The following GFOD1 variants were observed in gnomAD, a reference collection of about 807,000 sequenced individuals.
The protein encoded by GFOD1 is Gfo/Idh/MocA-like oxidoreductase domain containing 1.
GFOD1 carries 9 observed loss-of-function variants against 25.4 expected under a neutral mutation model. The observed-to-expected ratio is 0.35, with a 90% CI of 0.21 to 0.62. The LOEUF is 0.62. GFOD1 is among the 20% of genes least tolerant of loss of function. The pLI is 0.72. For synonymous variants in GFOD1, 253 were observed against 245.6 expected (o/e 1.03, Z -0.28); for missense variants, 403 against 556.9 (o/e 0.72, Z 2.78).
rs879779509 is a variant in GFOD1 at position 13,409,088 on chromosome 6, GGAAAGAAA to G, written c.254-43434_254-43427del. Among the ~76,000 whole-genome samples, 150 of 36,712 alleles carry G rather than the reference GGAAAGAAA, an allele frequency of 4.1e-3. 2 individuals are homozygous for G. Among genetic ancestry groups the G allele is most frequent in the African/African-American group, 0.014 (141 of 10,136 alleles). The allele number at this position is 36,712 out of a possible 152,430, so 24.1% of individuals were successfully genotyped here. ...TGACAGAGTGAGACTCCATCAGAAAGGAAAGAAAGAAAGAAAGAAAGAAAGAAAGAAAG... is the reference window on the plus strand; with the variant it reads ...TGACAGAGTGAGACTCCATCAGAAAGGAAAGAAAGAAAGAAAGAAAGAAAG... On this transcript the variant is annotated intron_variant, in intron 1 of 1. Transcript: ENST00000379287.
intron 1 of GFOD1, among the ~76,000 whole-genome samples, chr6:13,428,696 C>T (rs1195030338): frequency 6.6e-6 from 1 of 152,124 alleles, no homozygotes; most frequent in Non-Finnish European, 1.5e-5. Context: ...AGTCCAGGCC[C>T]CCTCCCAGGG....
intron 1 of GFOD1, among the ~76,000 whole-genome samples, chr6:13,456,585 G>A (rs1207973167): frequency 2.0e-5 from 3 of 152,046 alleles, no homozygotes; most frequent in Non-Finnish European, 2.9e-5. Context: ...TACTCATCAC[G>A]GTCACCTCTA....
Position 13,361,966 on chromosome 6 carries a change from T to C in GFOD1, c.*2777A>G, listed in dbSNP as rs1784953445. On this transcript the variant is annotated 3_prime_UTR_variant, in exon 2 of 2. Coordinates refer to ENST00000379287, the MANE Select transcript of GFOD1 (RefSeq NM_018988.4). ...TTGGGAAAAGATTTCGCGAGTATTATGGTTTAGTACAGAAACATACAATTG... is the reference window on the plus strand; with the variant it reads ...TTGGGAAAAGATTTCGCGAGTATTACGGTTTAGTACAGAAACATACAATTG... 6.6e-6 allele frequency: 1 copy of C among 152,214 alleles called. No individual in the cohort carries two copies. Among genetic ancestry groups the C allele is most frequent in the Non-Finnish European group, 1.5e-5 (1 of 68,046 alleles). The allele number at this position is 152,214 out of a possible 1,614,324, so 9.4% of individuals were successfully genotyped here.
At chr6:13,395,757 G>A (rs1459648733) in intron 1 of GFOD1, among the ~76,000 whole-genome samples, 1 of 152,208 alleles carries the variant, frequency 6.6e-6, no homozygotes, top group Non-Finnish European at 1.5e-5. Flanking sequence ...TCCCACTGAA[G>A]AAACTTCCTT....
At chr6:13,378,053 A>G (rs1785288500) in intron 1 of GFOD1, among the ~76,000 whole-genome samples, 1 of 152,208 alleles carries the variant, frequency 6.6e-6, no homozygotes, top group Non-Finnish European at 1.5e-5. Context: ...GGAAGAGAAG[A>G]GGAGCTAAAA....
Position 13,391,300 on chromosome 6 carries a change from C to T in GFOD1, c.254-25638G>A, listed in dbSNP as rs528132775. On this transcript the variant is annotated intron_variant, in intron 1 of 1. Transcript: ENST00000379287. Reference sequence around the variant, plus strand: ...TATTTAAGAAATTGGCCATTTGAAACCAGCCTGGCCAACATGGCAAAACCC... The same window carrying T: ...TATTTAAGAAATTGGCCATTTGAAATCAGCCTGGCCAACATGGCAAAACCC... 2.6e-5 allele frequency among the ~76,000 whole-genome samples: 4 copies of T among 152,084 alleles called. No homozygotes were observed. In the South Asian group the frequency reaches 8.3e-4, roughly 32 times the overall value.
intron 1 of GFOD1, among the ~76,000 whole-genome samples, chr6:13,478,143 G>GT (rs1268544819): frequency 6.6e-6 from 1 of 151,420 alleles, no homozygotes; most frequent in Non-Finnish European, 1.5e-5. Context: ...GTTGTTTGTT[G>GT]TTTTTGTTTT....
At chr6:13,440,034 C>T (rs888104009) in intron 1 of GFOD1, among the ~76,000 whole-genome samples, 3 of 152,140 alleles carry the variant, frequency 2.0e-5, no homozygotes, top group African/African-American at 7.2e-5. Context: ...ACTGCTTGCC[C>T]TATACTGCCC....
At chr6:13,390,826 A>AGGAAGGAAGGAAGGAT (rs1562202843) in intron 1 of GFOD1, among the ~76,000 whole-genome samples, 1 of 150,166 alleles carries the variant, frequency 6.7e-6, no homozygotes, top group East Asian at 2.0e-4. Context: ...GAAGGAAGGA[A>AGGAAGGAAGGAAGGAT]GGATAATAAC....
chr6:13,372,026 G>A (rs78481951), intron 1 of GFOD1, among the ~76,000 whole-genome samples: 1,850 of 152,316 alleles, frequency 0.012, 38 homozygotes, highest in African/African-American at 0.042. Context: ...TGAGAACAAA[G>A]AGCTAAAGCT....
chr6:13,389,588 G>C (rs1036420156), intron 1 of GFOD1, among the ~76,000 whole-genome samples: 1 of 151,050 alleles, frequency 6.6e-6, no homozygotes, highest in African/African-American at 2.4e-5. Context: ...ACAGAGCAGG[G>C]AACATCACAC....
At chr6:13,470,275 C>A in intron 1 of GFOD1, 1 of 1,590,588 alleles carries the variant, frequency 6.3e-7, no homozygotes, top group South Asian at 1.1e-5. Flanking sequence ...TCCTGGAATC[C>A]CCCATGCCAG....
At chr6:13,478,974 C>G (rs1338179356) in intron 1 of GFOD1, among the ~76,000 whole-genome samples, 4 of 151,842 alleles carry the variant, frequency 2.6e-5, no homozygotes, top group Non-Finnish European at 5.9e-5. Context: ...CCCATCAGTA[C>G]CTTTGAGTGA....
At chr6:13,421,326 A>C (rs962765760) in intron 1 of GFOD1, among the ~76,000 whole-genome samples, 1 of 152,024 alleles carries the variant, frequency 6.6e-6, no homozygotes, top group African/African-American at 2.4e-5. Context: ...CATCTCTATA[A>C]AAAGTTAAAA....
chr6:13,412,764 G>A (rs1786100717), intron 1 of GFOD1, among the ~76,000 whole-genome samples: 1 of 152,186 alleles, frequency 6.6e-6, no homozygotes, highest in Non-Finnish European at 1.5e-5. Flanking sequence ...AGCATGCCCT[G>A]TGCTCTGAGC....
intron 1 of GFOD1, among the ~76,000 whole-genome samples, chr6:13,396,402 C>T (rs1785732899): frequency 6.6e-6 from 1 of 152,238 alleles, no homozygotes; most frequent in African/African-American, 2.4e-5. Context: ...GTAAGCGCCA[C>T]ACTGAGTTAC....
chr6:13,469,676 T>C (rs764565828), intron 1 of GFOD1: 6 of 1,174,132 alleles, frequency 5.1e-6, no homozygotes, highest in Non-Finnish European at 6.4e-6. Flanking sequence ...TACAGTTATC[T>C]TACTACCAAG....
chr6:13,481,558 T>TACAC (rs55888360), intron 1 of GFOD1, among the ~76,000 whole-genome samples: 215 of 150,782 alleles, frequency 1.4e-3, no homozygotes, highest in African/African-American at 5.0e-3. Flanking sequence ...AGTGATACCT[T>TACAC]ACACACACAC....
intron 1 of GFOD1, among the ~76,000 whole-genome samples, chr6:13,397,089 G>T (rs1209630961): frequency 6.6e-6 from 1 of 152,042 alleles, no homozygotes. Flanking sequence ...CTCAGAGAAG[G>T]GACAAGAGCA....
Sources: allele counts gnomAD v4.1 joint callset (sites outside exome capture counted in the v4.1 genomes callset), GRCh38; gene constraint gnomAD v4.1.1; transcripts MANE v1.5; gene names NCBI Gene and HGNC (gene_info 2026-07-23, HGNC 2026-07-21).